Variants in RBFOX3 observed in about 807,000 individuals in gnomAD.
RBFOX3 encodes the protein RNA binding protein fox-1 homolog 3.
In RBFOX3, 17 loss-of-function variants were observed where a neutral mutation model predicts 48.7. The ratio of observed to expected loss-of-function variants is 0.35; its 90% CI spans 0.24 to 0.52. The LOEUF (loss-of-function observed/expected upper bound fraction) is 0.52. Ranked by LOEUF, RBFOX3 falls within the 20% of genes least tolerant of loss-of-function variation. The pLI, the probability that RBFOX3 is intolerant of heterozygous loss-of-function variation, is 0.94. For synonymous variants in RBFOX3, 212 were observed against 209.5 expected (o/e 1.01, Z -0.10); for missense variants, 382 against 497.5 (o/e 0.77, Z 2.21).
intron 2 of RBFOX3, among the ~76,000 whole-genome samples, chr17:79,459,428 A>G (rs1555747309): frequency 6.6e-6 from 1 of 152,138 alleles, no homozygotes; most frequent in African/African-American, 2.4e-5. Context: ...AGTCCTGTGG[A>G]ACCCAGTGTG....
chr17:79,332,197 G>T (rs531118092), intron 2 of RBFOX3, among the ~76,000 whole-genome samples: 1 of 152,162 alleles, frequency 6.6e-6, no homozygotes, highest in Non-Finnish European at 1.5e-5. Flanking sequence ...GTCTGCTGCC[G>T]TCTGGGCTGG....
At chr17:79,435,611 G>A (rs1377363793) in intron 2 of RBFOX3, among the ~76,000 whole-genome samples, 1 of 152,196 alleles carries the variant, frequency 6.6e-6, no homozygotes, top group Non-Finnish European at 1.5e-5. Context: ...ACAGAGCCTG[G>A]CTCCTGGTAG....
intron 3 of RBFOX3, among the ~76,000 whole-genome samples, chr17:79,265,924 C>A (rs1414980213): frequency 1.3e-5 from 2 of 152,224 alleles, no homozygotes; most frequent in Non-Finnish European, 2.9e-5. Flanking sequence ...CAAGAAGGCT[C>A]ATGGCACAGC....
At chr17:79,407,084 T>C (rs1458849361) in intron 2 of RBFOX3, among the ~76,000 whole-genome samples, 2 of 152,248 alleles carry the variant, frequency 1.3e-5, no homozygotes, top group East Asian at 3.9e-4. Flanking sequence ...CTTGGCTCAC[T>C]GCAACCTCTG....
At chr17:79,387,673 G>A (rs1357357016) in intron 2 of RBFOX3, among the ~76,000 whole-genome samples, 1 of 152,224 alleles carries the variant, frequency 6.6e-6, no homozygotes, top group Non-Finnish European at 1.5e-5. Flanking sequence ...GTTGGACTGG[G>A]GGCCCCCAGG....
chr17:79,100,633 C>T (rs1447132461), intron 9 of RBFOX3, among the ~76,000 whole-genome samples: 1 of 152,178 alleles, frequency 6.6e-6, no homozygotes, highest in African/African-American at 2.4e-5. Flanking sequence ...GTCTGAAAGT[C>T]CACGGCAACA....
At chr17:79,407,200 G>T (rs2063664790) in intron 2 of RBFOX3, among the ~76,000 whole-genome samples, 1 of 152,220 alleles carries the variant, frequency 6.6e-6, no homozygotes, top group Admixed American at 6.5e-5. Context: ...TAGAGACGGG[G>T]TTTTGCCATG....
chr17:79,227,260 G>A (rs1047579219), intron 4 of RBFOX3, among the ~76,000 whole-genome samples: 2 of 152,196 alleles, frequency 1.3e-5, no homozygotes, highest in African/African-American at 2.4e-5. Flanking sequence ...GAGGTCCAGC[G>A]AAGCAGCGAG....
intron 2 of RBFOX3, among the ~76,000 whole-genome samples, chr17:79,458,316 G>A (rs1679881294): frequency 6.6e-6 from 1 of 152,220 alleles, no homozygotes; most frequent in Admixed American, 6.5e-5. Flanking sequence ...GAAATGTACA[G>A]GTGCCTCGCA....
intron 2 of RBFOX3, among the ~76,000 whole-genome samples, chr17:79,430,820 C>G (rs1333685331): frequency 6.6e-6 from 1 of 152,212 alleles, no homozygotes; most frequent in East Asian, 1.9e-4. Context: ...GCTGGGATTA[C>G]AGGCGTGAGC....
At chr17:79,553,236 T>C (rs2091319500) in intron 1 of RBFOX3, among the ~76,000 whole-genome samples, 1 of 152,248 alleles carries the variant, frequency 6.6e-6, no homozygotes, top group African/African-American at 2.4e-5. Flanking sequence ...GATAATCGTG[T>C]GTTAATTCTC....
At chr17:79,463,236 CTGCCAT>C (rs2075712144) in intron 2 of RBFOX3, among the ~76,000 whole-genome samples, 3 of 139,492 alleles carry the variant, frequency 2.2e-5, no homozygotes, top group African/African-American at 2.7e-5. Context: ...GCCACTGCCA[CTGCCAT>C]CGCCACTGCC....
At chr17:79,624,461 C>T in the RBFOX3 span, among the ~76,000 whole-genome samples, 1 of 152,178 alleles carries the variant, frequency 6.6e-6, no homozygotes, top group Admixed American at 6.5e-5. Context: ...TGCCAGGCAG[C>T]CAGAAAGACA....
chr17:79,401,518 TGTGCACGTGAGACCCTGCCTTCA>T (rs1470929919), intron 2 of RBFOX3, among the ~76,000 whole-genome samples: 4 of 152,180 alleles, frequency 2.6e-5, no homozygotes, highest in Non-Finnish European at 5.9e-5. Flanking sequence ...GTGTTCCCAG[TGTGCACGTGAGACCCTGCCTTCA>T]GTGCAGAGGG....
rs370965988 is a variant in RBFOX3 at position 79,490,761 on chromosome 17, C to T, written c.-319-8163G>A. Among the ~76,000 whole-genome samples, 403 of 150,888 alleles carry T rather than the reference C, an allele frequency of 2.7e-3. 9 individuals are homozygous for T. The South Asian group carries it at 0.041, about 15-fold the overall frequency. On this transcript the variant is annotated intron_variant, in intron 1 of 14. Coordinates refer to ENST00000693108, the MANE Select transcript of RBFOX3 (RefSeq NM_001350451.2). ...GAGAGAGAGAACAGGTAAACCACAA[C>T]CCCAGAGGCAGGGTATGGGCTCCTA...
intron 2 of RBFOX3, among the ~76,000 whole-genome samples, chr17:79,470,533 T>C (rs1386903365): frequency 6.6e-6 from 1 of 152,136 alleles, no homozygotes; most frequent in Non-Finnish European, 1.5e-5. Context: ...AGCACACACA[T>C]GCATCTAAGG....
intron 1 of RBFOX3, among the ~76,000 whole-genome samples, chr17:79,537,200 G>A (rs995277707): frequency 4.0e-5 from 6 of 151,338 alleles, no homozygotes; most frequent in Non-Finnish European, 5.9e-5. Context: ...GGAGGTTTGC[G>A]CTCCCTCCAG....
chr17:79,101,493 G>A, intron 9 of RBFOX3, 91 bp downstream of exon 9: 1 of 1,170,554 alleles, frequency 8.5e-7, no homozygotes, highest in Non-Finnish European at 1.2e-6. Flanking sequence ...CTAGGATCCA[G>A]GAAGGTCAGC....
chr17:79,207,049 C>T (rs2057601958), intron 4 of RBFOX3, among the ~76,000 whole-genome samples: 1 of 152,186 alleles, frequency 6.6e-6, no homozygotes, highest in East Asian at 1.9e-4. Context: ...GATTTGAAAT[C>T]TGAAGTTTCC....
Sources: gnomAD v4.1 joint callset for allele counts (sites outside exome capture counted in the v4.1 genomes callset) on GRCh38, gnomAD v4.1.1 for gene constraint, MANE v1.5 for transcripts, NCBI Gene and HGNC (gene_info 2026-07-23, HGNC 2026-07-21) for gene names.